ZNF362: variants seen among roughly 807,000 people sequenced by gnomAD.
The protein encoded by ZNF362 is rotund homolog.
In ZNF362, 11 loss-of-function variants were observed where a neutral mutation model predicts 42.9. That is an observed-to-expected ratio of 0.26 (90% CI 0.16 to 0.42). ZNF362 has a LOEUF of 0.42. Among genes scored for constraint, ZNF362 ranks in the 20% least tolerant of loss-of-function variants. ZNF362 has a pLI of 1.00. For missense variants in ZNF362, 362 were observed against 576.2 expected, an observed-to-expected ratio of 0.63 and a Z score of 3.81; for synonymous variants, 255 against 257.3, an observed-to-expected ratio of 0.99 and a Z score of 0.09.
the ZNF362 span, among the ~76,000 whole-genome samples, chr1:33,151,872 C>T: frequency 6.6e-6 from 1 of 152,250 alleles, no homozygotes; most frequent in Admixed American, 6.5e-5. Context: ...GGGCACAGCC[C>T]AGCACAGCTG....
At chr1:33,181,354 C>A in the ZNF362 span, 1 of 1,591,970 alleles carries the variant, frequency 6.3e-7, no homozygotes, top group East Asian at 2.3e-5. The surrounding 1 kb of genome is among the most constrained non-coding windows in gnomAD (Gnocchi z 6.5). Context: ...AAGTAATGCT[C>A]GCAGCCCAGG....
At chr1:33,262,820 C>T (rs1037173906) in intron 1 of ZNF362, among the ~76,000 whole-genome samples, 1 of 152,214 alleles carries the variant, frequency 6.6e-6, no homozygotes, top group Admixed American at 6.5e-5. Flanking sequence ...TCAGAAATAC[C>T]ACCACAGGTG....
At chr1:33,167,891 G>T in the ZNF362 span, among the ~76,000 whole-genome samples, 185 of 152,280 alleles carry the variant, frequency 1.2e-3, 2 homozygotes, top group African/African-American at 4.2e-3. This position sits in a 1 kb window ranked among gnomAD's most constrained non-coding sequence, Gnocchi z 4.2. Flanking sequence ...AACATTTCTT[G>T]GGCAACTATT....
the ZNF362 span, among the ~76,000 whole-genome samples, chr1:33,174,958 TATATATATATAC>T: frequency 2.2e-4 from 32 of 146,386 alleles, no homozygotes; most frequent in African/African-American, 8.2e-4. Context: ...TATATATATA[TATATATATATAC>T]ACACATATAC....
chr1:33,228,604 C>T, the ZNF362 span, among the ~76,000 whole-genome samples: 1 of 152,272 alleles, frequency 6.6e-6, no homozygotes, highest in South Asian at 2.1e-4. Context: ...ACCCTTGACT[C>T]CTCTTCTGCA....
chr1:33,256,141 G>GCGGT, upstream of ZNF362, among the ~76,000 whole-genome samples: 1 of 149,938 alleles, frequency 6.7e-6, no homozygotes, highest in South Asian at 2.1e-4. Context: ...CGCGGCGCGG[G>GCGGT]CGGGGGGCGC....
In ZNF362 at chr1:33,295,324, G is replaced by A; in HGVS notation, c.1146+19G>A. 6.2e-7 allele frequency: 1 copy of A among 1,611,296 alleles called. No homozygotes were observed. On this transcript the variant is annotated intron_variant, in intron 8 of 8. Coordinates refer to ENST00000539719, the MANE Select transcript of ZNF362 (RefSeq NM_152493.3). ...CACCTCGGTGAGTGCCGGTCGGCCTGTGCCCTGCCCCGGGGGAGCCACTTC... is the reference window on the plus strand; with the variant it reads ...CACCTCGGTGAGTGCCGGTCGGCCTATGCCCTGCCCCGGGGGAGCCACTTC...
the ZNF362 span, among the ~76,000 whole-genome samples, chr1:33,130,523 C>A: frequency 6.6e-6 from 1 of 152,160 alleles, no homozygotes; most frequent in African/African-American, 2.4e-5. Context: ...TTGAGGACTT[C>A]TAACAGCTGT....
chr1:33,166,992 C>A, the ZNF362 span, among the ~76,000 whole-genome samples: 1 of 152,194 alleles, frequency 6.6e-6, no homozygotes, highest in Non-Finnish European at 1.5e-5. Flanking sequence ...GTCTCCAACA[C>A]CCTCCCCCAT....
At chr1:33,226,780 G>A in the ZNF362 span, among the ~76,000 whole-genome samples, 3 of 152,146 alleles carry the variant, frequency 2.0e-5, no homozygotes, top group African/African-American at 4.8e-5. Flanking sequence ...CATGAGAATC[G>A]CTTGAACCCG....
the ZNF362 span, among the ~76,000 whole-genome samples, chr1:33,139,894 T>C: frequency 1.3e-5 from 2 of 152,096 alleles, no homozygotes; most frequent in East Asian, 1.9e-4. Context: ...CCATAATCTT[T>C]CCTCTGCTGC....
the ZNF362 span, among the ~76,000 whole-genome samples, chr1:33,235,603 A>AT: frequency 6.6e-6 from 1 of 152,128 alleles, no homozygotes; most frequent in Non-Finnish European, 1.5e-5. Context: ...GACCACTGCA[A>AT]TAGGATTTTG....
At chr1:33,289,806 G>A (rs1646062827) in intron 6 of ZNF362, among the ~76,000 whole-genome samples, 1 of 152,216 alleles carries the variant, frequency 6.6e-6, no homozygotes, top group South Asian at 2.1e-4. Context: ...AAGGAACACA[G>A]TGACCAGACA....
intron 2 of ZNF362, among the ~76,000 whole-genome samples, chr1:33,271,644 C>T (rs1417980638): frequency 6.6e-6 from 1 of 152,166 alleles, no homozygotes; most frequent in Non-Finnish European, 1.5e-5. Context: ...GATTTTGGAA[C>T]TGGAATCCTG....
At chr1:33,298,417 G>T (rs1296694972) in intron 8 of ZNF362, among the ~76,000 whole-genome samples, 3 of 152,202 alleles carry the variant, frequency 2.0e-5, no homozygotes, top group Non-Finnish European at 4.4e-5. Flanking sequence ...CATGCTAAGG[G>T]CTTGATCTTT....
the ZNF362 span, among the ~76,000 whole-genome samples, chr1:33,135,103 T>G: frequency 6.6e-6 from 1 of 152,124 alleles, no homozygotes. Context: ...CTGGCCAACA[T>G]GGTGAAACCC....
the ZNF362 span, among the ~76,000 whole-genome samples, chr1:33,218,602 T>A: frequency 6.6e-6 from 1 of 152,332 alleles, no homozygotes; most frequent in Middle Eastern, 3.4e-3. Context: ...TTTATTATCA[T>A]TTATTTGGTT....
chr1:33,173,691 T>TC, the ZNF362 span, among the ~76,000 whole-genome samples: 5 of 151,422 alleles, frequency 3.3e-5, no homozygotes, highest in African/African-American at 1.2e-4. Context: ...TTTTTTTTTT[T>TC]TCCCTAATTA....
the ZNF362 span, among the ~76,000 whole-genome samples, chr1:33,170,996 A>C: frequency 1.4e-4 from 22 of 152,272 alleles, no homozygotes; most frequent in African/African-American, 5.1e-4. Flanking sequence ...TTGTGTCTTC[A>C]TCCCTCACTG....
Sources: allele counts gnomAD v4.1 joint callset (sites outside exome capture counted in the v4.1 genomes callset), GRCh38; gene constraint gnomAD v4.1.1; non-coding constraint Gnocchi (gnomAD v3.1); transcripts MANE v1.5; gene names NCBI Gene and HGNC (gene_info 2026-07-23, HGNC 2026-07-21).